Variants in TMEM178B observed in about 807,000 individuals in gnomAD.
TMEM178B encodes transmembrane protein 178B.
Under a neutral mutation model 31.0 loss-of-function variants are expected in TMEM178B, and 5 were observed. The observed-to-expected ratio is 0.16, with a 90% CI of 0.08 to 0.34. The LOEUF (loss-of-function observed/expected upper bound fraction) is 0.34, where lower values mean the gene tolerates loss of function less well. Ranked by LOEUF, TMEM178B falls within the 10% of genes least tolerant of loss-of-function variation. TMEM178B has a pLI of 1.00. For missense variants in TMEM178B, 275 were observed against 400.3 expected (o/e 0.69, Z 2.67); for synonymous variants, 164 against 164.0 (o/e 1.00, Z 0.00).
At chr7:141,441,636 G>C (rs908616820) in intron 3 of TMEM178B, among the ~76,000 whole-genome samples, 1 of 152,152 alleles carries the variant, frequency 6.6e-6, no homozygotes, top group African/African-American at 2.4e-5. Flanking sequence ...AGCAGGAAGA[G>C]GCAGCAAGAA....
intron 1 of TMEM178B, among the ~76,000 whole-genome samples, chr7:141,185,808 C>T (rs550627802): frequency 6.6e-6 from 1 of 152,240 alleles, no homozygotes; most frequent in East Asian, 1.9e-4. Flanking sequence ...CTACCCAGCA[C>T]TTCCCTTCCC....
intron 2 of TMEM178B, among the ~76,000 whole-genome samples, chr7:141,232,392 T>C (rs576724187): frequency 1.8e-4 from 28 of 152,336 alleles, no homozygotes; most frequent in African/African-American, 6.7e-4. Flanking sequence ...CACACTGTCT[T>C]TCACAATGGT....
chr7:141,151,064 A>G (rs1033673747), intron 1 of TMEM178B, among the ~76,000 whole-genome samples: 1 of 152,182 alleles, frequency 6.6e-6, no homozygotes, highest in Non-Finnish European at 1.5e-5. Context: ...CCTTCAACAA[A>G]TATTTAAGGG....
intron 1 of TMEM178B, among the ~76,000 whole-genome samples, chr7:141,128,550 A>G (rs1185060236): frequency 6.6e-6 from 1 of 152,172 alleles, no homozygotes; most frequent in Non-Finnish European, 1.5e-5. Context: ...TGAAAAAAAA[A>G]AAGCTCCAAA....
chr7:141,419,567 C>A (rs1422307040), intron 2 of TMEM178B, among the ~76,000 whole-genome samples: 1 of 152,212 alleles, frequency 6.6e-6, no homozygotes, highest in Non-Finnish European at 1.5e-5. Flanking sequence ...GCCATGGTCA[C>A]CTTTCTAGAG....
chr7:141,106,673 C>G (rs1795152693), intron 1 of TMEM178B, among the ~76,000 whole-genome samples: 2 of 152,226 alleles, frequency 1.3e-5, no homozygotes, highest in African/African-American at 4.8e-5. Context: ...CTAATAAATG[C>G]TAACCTGTTC....
chr7:141,089,660 C>A (rs1462577717), intron 1 of TMEM178B, among the ~76,000 whole-genome samples: 3 of 152,180 alleles, frequency 2.0e-5, no homozygotes, highest in Non-Finnish European at 2.9e-5. Context: ...CACATATACA[C>A]CATGGAATAC....
At chr7:141,235,378 T>G (rs569772720) in intron 2 of TMEM178B, among the ~76,000 whole-genome samples, 5 of 152,322 alleles carry the variant, frequency 3.3e-5, no homozygotes, top group Admixed American at 2.6e-4. Context: ...AACTTTAGCT[T>G]CCAGTAAAGT....
intron 1 of TMEM178B, among the ~76,000 whole-genome samples, chr7:141,100,772 T>C (rs1430970960): frequency 6.6e-6 from 1 of 152,206 alleles, no homozygotes; most frequent in Non-Finnish European, 1.5e-5. Flanking sequence ...TACATATATA[T>C]GTAGAATGTG....
chr7:141,258,537 T>G (rs1286639273), intron 2 of TMEM178B, among the ~76,000 whole-genome samples: 3 of 152,240 alleles, frequency 2.0e-5, no homozygotes, highest in African/African-American at 7.2e-5. Flanking sequence ...CATTTATATT[T>G]ACCTTTCTGT....
chr7:141,348,907 A>G (rs73520604), intron 2 of TMEM178B, among the ~76,000 whole-genome samples: 3,581 of 152,270 alleles, frequency 0.024, 163 homozygotes, highest in African/African-American at 0.081. Flanking sequence ...GGCGGAGCTC[A>G]TGACAGAGTG....
At chr7:141,148,448 T>C (rs1483659810) in intron 1 of TMEM178B, among the ~76,000 whole-genome samples, 2 of 152,090 alleles carry the variant, frequency 1.3e-5, no homozygotes, top group African/African-American at 4.8e-5. Flanking sequence ...AAGAAGAGTG[T>C]GCAAAGTAGG....
chr7:141,161,399 A>G (rs1018361133), intron 1 of TMEM178B, among the ~76,000 whole-genome samples: 3 of 152,172 alleles, frequency 2.0e-5, no homozygotes, highest in Admixed American at 6.5e-5. Flanking sequence ...TGGGAAAGGC[A>G]GAGGATTCTA....
At chr7:141,394,721 C>A (rs530608559) in intron 2 of TMEM178B, among the ~76,000 whole-genome samples, 1 of 152,278 alleles carries the variant, frequency 6.6e-6, no homozygotes, top group African/African-American at 2.4e-5. Flanking sequence ...TGAGCAAGTT[C>A]TGTCATTTTC....
intron 1 of TMEM178B, among the ~76,000 whole-genome samples, chr7:141,087,592 C>A (rs1794809366): frequency 6.6e-6 from 1 of 152,116 alleles, no homozygotes; most frequent in Non-Finnish European, 1.5e-5. Flanking sequence ...GGCATTTTAA[C>A]CCCAGGGAAG....
intron 1 of TMEM178B, among the ~76,000 whole-genome samples, chr7:141,091,948 G>A (rs1048950566): frequency 6.6e-6 from 1 of 152,032 alleles, no homozygotes; most frequent in Non-Finnish European, 1.5e-5. Context: ...GACTGGCCTC[G>A]AACTCCTGAC....
the TMEM178B span, among the ~76,000 whole-genome samples, chr7:141,496,594 C>T: frequency 3.1e-5 from 4 of 131,134 alleles, no homozygotes; most frequent in Non-Finnish European, 6.1e-5. Context: ...GGCGTGAACC[C>T]GGGAGGCGGA....
chr7:141,468,407 G>T (rs950389416), intron 3 of TMEM178B, among the ~76,000 whole-genome samples: 2 of 152,198 alleles, frequency 1.3e-5, no homozygotes, highest in South Asian at 2.1e-4. Flanking sequence ...GGAAACCCAT[G>T]AAGTGACCCA....
chr7:141,242,448 G>A (rs550173809), intron 2 of TMEM178B, among the ~76,000 whole-genome samples: 2 of 150,248 alleles, frequency 1.3e-5, no homozygotes, highest in Non-Finnish European at 2.9e-5. Flanking sequence ...CATGGTATTC[G>A]CTCTGTGGCT....
Sources: gnomAD v4.1 joint callset for allele counts (sites outside exome capture counted in the v4.1 genomes callset) on GRCh38, gnomAD v4.1.1 for gene constraint, MANE v1.5 for transcripts, NCBI Gene and HGNC (gene_info 2026-07-23, HGNC 2026-07-21) for gene names.